PRKAR2B: variants seen among roughly 807,000 people sequenced by gnomAD.
PRKAR2B encodes cAMP-dependent protein kinase type II-beta regulatory subunit.
Under a neutral mutation model 49.9 loss-of-function variants are expected in PRKAR2B, and 14 were observed. That is an observed-to-expected ratio of 0.28 (90% CI 0.19 to 0.44). PRKAR2B has a LOEUF of 0.44. PRKAR2B is among the 20% of genes least tolerant of loss of function. PRKAR2B has a pLI of 1.00. For synonymous variants in PRKAR2B, 196 were observed against 197.7 expected (o/e 0.99, Z 0.07); for missense variants, 393 against 537.9 (o/e 0.73, Z 2.67).
At chr7:107,065,310 CGG>C (rs1475380352) in intron 1 of PRKAR2B, among the ~76,000 whole-genome samples, 2 of 137,964 alleles carry the variant, frequency 1.4e-5, no homozygotes, top group African/African-American at 5.5e-5. Context: ...TTTGTTTGCT[CGG>C]GGTGTGTGTA....
intron 2 of PRKAR2B, among the ~76,000 whole-genome samples, chr7:107,091,460 C>T (rs1385351285): frequency 6.6e-6 from 1 of 152,116 alleles, no homozygotes; most frequent in Non-Finnish European, 1.5e-5. Flanking sequence ...AAACCTATGC[C>T]ACAGAGAGCA....
intron 6 of PRKAR2B, among the ~76,000 whole-genome samples, chr7:107,146,766 T>G (rs567975795): frequency 6.6e-6 from 1 of 152,304 alleles, no homozygotes; most frequent in East Asian, 1.9e-4. Context: ...AAACACAGCC[T>G]TAAGTACTTT....
At chr7:107,107,384 G>A (rs997450626) in intron 2 of PRKAR2B, among the ~76,000 whole-genome samples, 1 of 151,696 alleles carries the variant, frequency 6.6e-6, no homozygotes, top group Non-Finnish European at 1.5e-5. Flanking sequence ...TTCCCAATTT[G>A]TATTGGACCC....
chr7:107,071,517 A>G (rs1055027916), intron 2 of PRKAR2B, among the ~76,000 whole-genome samples: 1 of 152,178 alleles, frequency 6.6e-6, no homozygotes, highest in Admixed American at 6.5e-5. Flanking sequence ...TTATGTCAGT[A>G]AGGCGTCGAA....
intron 1 of PRKAR2B, among the ~76,000 whole-genome samples, chr7:107,054,676 A>G (rs1473386271): frequency 6.6e-6 from 1 of 152,064 alleles, no homozygotes; most frequent in Non-Finnish European, 1.5e-5. Flanking sequence ...CTCTCTTTCT[A>G]AGTCTTTCCT....
At chr7:107,088,938 G>A (rs746883968) in intron 2 of PRKAR2B, among the ~76,000 whole-genome samples, 7 of 152,096 alleles carry the variant, frequency 4.6e-5, no homozygotes, top group Non-Finnish European at 1.0e-4. Flanking sequence ...GGAGGCCGAG[G>A]TGGGTGGATC....
chr7:107,152,342 C>T (rs998220688), intron 7 of PRKAR2B, among the ~76,000 whole-genome samples: 1 of 152,186 alleles, frequency 6.6e-6, no homozygotes, highest in African/African-American at 2.4e-5. Flanking sequence ...TCTTGCCACT[C>T]CTCAAACACA....
At chr7:107,096,469 G>C (rs1054160555) in intron 2 of PRKAR2B, among the ~76,000 whole-genome samples, 1 of 149,784 alleles carries the variant, frequency 6.7e-6, no homozygotes, top group South Asian at 2.1e-4. Flanking sequence ...TGGATTCATT[G>C]ATTTTTTTTT....
At chr7:107,113,376 T>G (rs1023886276) in intron 2 of PRKAR2B, among the ~76,000 whole-genome samples, 3 of 152,240 alleles carry the variant, frequency 2.0e-5, no homozygotes, top group African/African-American at 7.2e-5. Flanking sequence ...AACCAAAGTG[T>G]TAGGATTCTG....
intron 2 of PRKAR2B, among the ~76,000 whole-genome samples, chr7:107,092,609 G>A (rs1794751153): frequency 6.6e-6 from 1 of 151,950 alleles, no homozygotes; most frequent in African/African-American, 2.4e-5. Context: ...GAAATGTGAT[G>A]TCTTAAGGAA....
intron 7 of PRKAR2B, 78 bp from the exon 8 acceptor site, chr7:107,153,099 C>T: frequency 9.5e-7 from 1 of 1,047,784 alleles, no homozygotes. Context: ...CTATAGGCTA[C>T]CAGTTTTTTA....
At chr7:107,059,696 ATG>A (rs10692192) in intron 1 of PRKAR2B, among the ~76,000 whole-genome samples, 90 of 149,564 alleles carry the variant, frequency 6.0e-4, no homozygotes, top group East Asian at 4.7e-3. Flanking sequence ...GCTGTAGTGA[ATG>A]TGTGTGTGTG....
intron 4 of PRKAR2B, among the ~76,000 whole-genome samples, chr7:107,138,867 CG>C (rs1554373728): frequency 6.6e-6 from 1 of 151,896 alleles, no homozygotes; most frequent in Non-Finnish European, 1.5e-5. Flanking sequence ...TTGGTAGAGA[CG>C]GGGTTTTGCC....
chr7:107,127,192 A>T (rs566544058), intron 3 of PRKAR2B, among the ~76,000 whole-genome samples: 1 of 152,276 alleles, frequency 6.6e-6, no homozygotes, highest in South Asian at 2.1e-4. Context: ...GTGAGCTCTG[A>T]TGCTCTGATG....
rs931909124 is a variant in PRKAR2B at position 107,128,366 on chromosome 7, G to C, written c.480+71G>C. 1.2e-5 allele frequency: 14 copies of C among 1,200,320 alleles called. No individual in the cohort carries two copies. In the African/African-American group the frequency reaches 2.2e-4, roughly 18 times the overall value. The allele number at this position is 1,200,320 out of a possible 1,614,324, so 74.4% of individuals were successfully genotyped here. ...GTGACAGTGTCAAGAACTGTACAGG[G>C]TCTTGAGTTTTGCCCTCTTTGTAAG... On this transcript the variant is annotated intron_variant, in intron 4 of 10. Coordinates refer to ENST00000265717, the MANE Select transcript of PRKAR2B (RefSeq NM_002736.3).
intron 2 of PRKAR2B, among the ~76,000 whole-genome samples, chr7:107,093,274 A>AT (rs1299285574): frequency 6.6e-6 from 1 of 151,926 alleles, no homozygotes; most frequent in East Asian, 1.9e-4. Flanking sequence ...GATTCTGTTT[A>AT]TTTTTTTGAG....
At chr7:107,112,229 C>G (rs1276713396) in intron 2 of PRKAR2B, among the ~76,000 whole-genome samples, 1 of 144,878 alleles carries the variant, frequency 6.9e-6, no homozygotes, top group African/African-American at 2.5e-5. Flanking sequence ...GGCATCCTCT[C>G]TAATTAATAC....
At chr7:107,130,540 G>GTTATTA (rs1032119471) in intron 4 of PRKAR2B, among the ~76,000 whole-genome samples, 9 of 151,986 alleles carry the variant, frequency 5.9e-5, no homozygotes, top group Non-Finnish European at 1.2e-4. Flanking sequence ...ATAAAAAAAA[G>GTTATTA]TTATGCCAAA....
chr7:107,098,715 T>G (rs528859789), intron 2 of PRKAR2B, among the ~76,000 whole-genome samples: 1 of 152,328 alleles, frequency 6.6e-6, no homozygotes, highest in Middle Eastern at 3.4e-3. Flanking sequence ...TCCTTTCTGT[T>G]TGTTAGTTTT....
Sources: gnomAD v4.1 joint callset for allele counts (sites outside exome capture counted in the v4.1 genomes callset) on GRCh38, gnomAD v4.1.1 for gene constraint, MANE v1.5 for transcripts, NCBI Gene and HGNC (gene_info 2026-07-23, HGNC 2026-07-21) for gene names.